Variants in CPA1 observed in about 807,000 individuals in gnomAD.
The protein encoded by CPA1 is carboxypeptidase A1.
CPA1 carries 42 observed loss-of-function variants against 48.7 expected under a neutral mutation model. That is an observed-to-expected ratio of 0.86 (90% CI 0.67 to 1.11). CPA1 has a LOEUF of 1.11. Among genes scored for constraint, CPA1 ranks in the 50% most tolerant of loss-of-function variants. The pLI, the probability that CPA1 is intolerant of heterozygous loss-of-function variation, is 0.00. For synonymous variants in CPA1, 203 were observed against 217.9 expected (o/e 0.93, Z 0.60); for missense variants, 477 against 544.7 (o/e 0.88, Z 1.24).
chr7:130,383,512 G>A lies in CPA1; in HGVS notation c.585+20G>A. On this transcript the variant is annotated intron_variant, in intron 5 of 9. Coordinates refer to ENST00000011292, the MANE Select transcript of CPA1 (RefSeq NM_001868.4). ...AAGAAGGTAAGGCCGGGGAGGTGAGGAGGGCTCTCACCTGGTGGGGCATTG... is the reference window on the plus strand; with the variant it reads ...AAGAAGGTAAGGCCGGGGAGGTGAGAAGGGCTCTCACCTGGTGGGGCATTG... 1 of 1,595,738 alleles carries A rather than the reference G, an allele frequency of 6.3e-7. No individual in the cohort carries two copies. Among genetic ancestry groups the A allele is most frequent in the Non-Finnish European group, 8.6e-7 (1 of 1,164,112 alleles).
At chr7:130,383,914 C>T in intron 6 of CPA1, 120 bp downstream of exon 6, 1 of 771,194 alleles carries the variant, frequency 1.3e-6, no homozygotes, top group Non-Finnish European at 2.3e-6. Context: ...CAGACCTGTG[C>T]TCCTAGCCGA....
At chr7:130,386,307 CG>C (rs1317781291) in intron 9 of CPA1, among the ~76,000 whole-genome samples, 1 of 151,732 alleles carries the variant, frequency 6.6e-6, no homozygotes, top group Non-Finnish European at 1.5e-5. Context: ...CTGAGGTGGG[CG>C]GATCACGAGG....
Position 130,387,501 on chromosome 7 carries a change from G to A in CPA1, c.1073-323G>A, listed in dbSNP as rs1366141149. Among the ~76,000 whole-genome samples, 1 of 152,166 alleles carries A rather than the reference G, an allele frequency of 6.6e-6. No individual in the cohort carries two copies. The highest frequency in any genetic ancestry group is 2.4e-5 in the African/African-American group (1 of 41,448). On this transcript the variant is annotated intron_variant, in intron 9 of 9. Transcript: ENST00000011292. The surrounding 1 kb of genome is among the most constrained non-coding windows in gnomAD (Gnocchi z 4.6). The stretch of plus-strand genomic sequence containing the variant: ...CCTGGTTACCCAAGCAGGGAACTCG[G>A]TATATTTAGGGGCTTCACCGAAAGG...
At chr7:130,384,648 G>T in intron 7 of CPA1, 22 bp downstream of exon 7, 1 of 1,598,624 alleles carries the variant, frequency 6.3e-7, no homozygotes, top group African/African-American at 1.3e-5. Context: ...AGTGTCTTGG[G>T]AGCAAGGATG....
intron 7 of CPA1, 21 bp downstream of exon 7, chr7:130,384,647 G>T: frequency 6.2e-7 from 1 of 1,604,056 alleles, no homozygotes; most frequent in Non-Finnish European, 8.5e-7. Flanking sequence ...GAGTGTCTTG[G>T]GAGCAAGGAT....
Position 130,385,354 on chromosome 7 carries a change from T to A in CPA1, c.987+9T>A, listed in dbSNP as rs1430305367. 1 of 1,613,932 alleles carries A rather than the reference T, an allele frequency of 6.2e-7. No homozygotes were observed. Among genetic ancestry groups the A allele is most frequent in the Non-Finnish European group, 8.5e-7 (1 of 1,179,878 alleles). On this transcript the variant is annotated intron_variant, in intron 8 of 9. Transcript: ENST00000011292. ...CTGACCAGGATGAGCTGGTAGGCAC[T>A]GACCTCGGCTTGCCCCCTCGTCCCC...
chr7:130,385,792 C>T (rs1554411913), intron 8 of CPA1, 47 bp from the exon 9 acceptor site: 2 of 1,518,774 alleles, frequency 1.3e-6, no homozygotes, highest in Non-Finnish European at 1.8e-6. Context: ...ACATGCTGTT[C>T]CAGGAGCCTG....
At position 130,382,126 on chromosome 7, in the gene CPA1, CT is replaced by C. The variant is rs1554411307; in HGVS notation, c.401del (p.Leu134ArgfsTer27). On this transcript the variant is annotated frameshift_variant, in exon 4 of 10. Transcript: ENST00000011292. LOFTEE classifies it high-confidence loss of function. The stretch of plus-strand genomic sequence containing the variant: ...ACCTCAGATCTATGACTTCCTGGAC[CT>C]GCTGGTGGCGGAGAACCCGCACCTT... ...TLEEIYDFLDLLVAENPHLVS... is the reference protein window; with the variant it reads ...TLEEIYDFLDXLVAENPHLVS... 19 of 1,614,186 alleles carry C rather than the reference CT, an allele frequency of 1.2e-5. No homozygotes were observed. The highest frequency in any genetic ancestry group is 1.2e-5 in the Non-Finnish European group (14 of 1,179,990).
At position 130,387,756 on chromosome 7, in the gene CPA1, T is replaced by C. The variant is rs1335657160; in HGVS notation, c.1073-68T>C. ...CAGAGCTTTGGACAGGGTTGGATCGTTAACCCAACCCGTGTAAATATTCCC... is the reference window on the plus strand; with the variant it reads ...CAGAGCTTTGGACAGGGTTGGATCGCTAACCCAACCCGTGTAAATATTCCC... On this transcript the variant is annotated intron_variant, in intron 9 of 9. Coordinates refer to ENST00000011292, the MANE Select transcript of CPA1 (RefSeq NM_001868.4). The surrounding 1 kb of genome is among the most constrained non-coding windows in gnomAD (Gnocchi z 4.6). 6.9e-7 allele frequency: 1 copy of C among 1,449,454 alleles called. No individual in the cohort carries two copies. The highest frequency in any genetic ancestry group is 9.6e-7 in the Non-Finnish European group (1 of 1,043,040). 89.8% of individuals were successfully genotyped at this position (1,449,454 alleles called of 1,614,324 possible).
In CPA1 at chr7:130,387,819, C is replaced by T. The variant is rs782067396; in HGVS notation, c.1073-5C>T. On this transcript the variant is annotated splice_region_variant and splice_polypyrimidine_tract_variant and intron_variant, in intron 9 of 9. Coordinates refer to ENST00000011292, the MANE Select transcript of CPA1 (RefSeq NM_001868.4). The surrounding 1 kb of genome is among the most constrained non-coding windows in gnomAD (Gnocchi z 4.6). ...CCTTTCTCTCCTATTTTACTCCTGC[C>T]CCAGATCAAGCCAGTGGAAGCACTA... 2 of 1,613,076 alleles carry T rather than the reference C, an allele frequency of 1.2e-6. No individual in the cohort carries two copies. The highest frequency in any genetic ancestry group is 1.7e-6 in the Non-Finnish European group (2 of 1,179,478).
intron 7 of CPA1, 38 bp downstream of exon 7, chr7:130,384,664 G>A (rs782430111): frequency 4.6e-6 from 7 of 1,518,906 alleles, no homozygotes; most frequent in Non-Finnish European, 6.4e-6. Flanking sequence ...GGATGGGATG[G>A]CCTCGAATGG....
intron 6 of CPA1, chr7:130,384,293 C>G (rs573587509): frequency 3.7e-5 from 21 of 569,422 alleles, no homozygotes; most frequent in Middle Eastern, 4.7e-4. Context: ...CTTCCCCACT[C>G]TCTTTCACCC....
chr7:130,382,080 G>A, intron 3 of CPA1, 28 bp from the exon 4 acceptor site: 1 of 1,587,268 alleles, frequency 6.3e-7, no homozygotes, highest in South Asian at 1.1e-5. Context: ...AGCTATTAAG[G>A]CCAGTGGTCT....
Position 130,380,519 on chromosome 7 carries a change from G to A in CPA1, c.-2G>A. On this transcript the variant is annotated 5_prime_UTR_variant, in exon 1 of 10. Transcript: ENST00000011292. Reference sequence around the variant, plus strand: ...AGTCTGACCTTCCCTCCCGGCAGCAGCATGCGGGGGTTGCTGGTGTTGAGT... The same window carrying A: ...AGTCTGACCTTCCCTCCCGGCAGCAACATGCGGGGGTTGCTGGTGTTGAGT... 1 of 1,314,410 alleles carries A rather than the reference G, an allele frequency of 7.6e-7. No homozygotes were observed. The allele number at this position is 1,314,410 out of a possible 1,614,324, so 81.4% of individuals were successfully genotyped here. A position where few individuals can be genotyped will look rare whatever the true frequency, so the allele number is the denominator to read the frequency against.
At chr7:130,381,514 A>G in intron 2 of CPA1, 116 bp from the exon 3 acceptor site, 1 of 728,836 alleles carries the variant, frequency 1.4e-6, no homozygotes, top group Non-Finnish European at 2.3e-6. Context: ...ACCTATCCCC[A>G]ATTATATGAG....
chr7:130,386,824 T>G (rs887641401), intron 9 of CPA1, among the ~76,000 whole-genome samples: 4 of 152,002 alleles, frequency 2.6e-5, no homozygotes, highest in African/African-American at 7.3e-5. Context: ...TGACGAATGC[T>G]GGGGAGGAAA....
Position 130,385,125 on chromosome 7 carries a change from A to G in CPA1, c.788-21A>G, listed in dbSNP as rs200825455. 47 of 1,613,206 alleles carry G rather than the reference A, an allele frequency of 2.9e-5. No homozygotes were observed. The East Asian group carries it at 7.8e-4, about 27-fold the overall frequency. The stretch of plus-strand genomic sequence containing the variant: ...CAGAAGCTGGAGGAGCCACACCGCC[A>G]TGCCCTCTGTCCCCCCACAGTGTCC... On this transcript the variant is annotated intron_variant, in intron 7 of 9. Transcript: ENST00000011292.
chr7:130,385,119 A>T (rs782783475), intron 7 of CPA1, 27 bp from the exon 8 acceptor site: 2 of 1,611,174 alleles, frequency 1.2e-6, no homozygotes, highest in Non-Finnish European at 1.7e-6. Context: ...GAGGAGCCAC[A>T]CCGCCATGCC....
chr7:130,385,986 C>A, intron 9 of CPA1, 63 bp downstream of exon 9: 1 of 1,428,746 alleles, frequency 7.0e-7, no homozygotes, highest in Non-Finnish European at 9.8e-7. Context: ...TCTTCCTGAC[C>A]GAGGGAGTAT....
Sources: allele counts gnomAD v4.1 joint callset (sites outside exome capture counted in the v4.1 genomes callset), GRCh38; gene constraint gnomAD v4.1.1; non-coding constraint Gnocchi (gnomAD v3.1); transcripts MANE v1.5; gene names NCBI Gene and HGNC (gene_info 2026-07-23, HGNC 2026-07-21).